The following PUS10 variants were observed in gnomAD, a reference collection of about 807,000 sequenced individuals.
PUS10 encodes the protein pseudouridine synthase 10.
In PUS10, 59 loss-of-function variants were observed where a neutral mutation model predicts 75.0. The observed-to-expected ratio is 0.79, with a 90% CI of 0.64 to 0.98. PUS10 has a LOEUF of 0.98. Ranked by LOEUF, PUS10 falls within the 50% of genes least tolerant of loss-of-function variation. PUS10 has a pLI of 0.00. For synonymous variants in PUS10, 219 were observed against 211.6 expected (o/e 1.03, Z -0.30); for missense variants, 650 against 614.4 (o/e 1.06, Z -0.61).
intron 11 of PUS10, among the ~76,000 whole-genome samples, chr2:60,959,124 T>C (rs1372935924): frequency 1.3e-5 from 2 of 152,184 alleles, no homozygotes; most frequent in Non-Finnish European, 2.9e-5. Flanking sequence ...ACAGCTGCCA[T>C]TCAGTCTTTG....
intron 4 of PUS10, among the ~76,000 whole-genome samples, chr2:60,978,848 T>C (rs550148612): frequency 1.3e-5 from 2 of 152,194 alleles, no homozygotes; most frequent in Middle Eastern, 3.2e-3. Flanking sequence ...GATGATAAAG[T>C]GTAGGCAACT....
At chr2:60,996,308 T>C (rs1048160546) in intron 4 of PUS10, among the ~76,000 whole-genome samples, 1 of 152,192 alleles carries the variant, frequency 6.6e-6, no homozygotes, top group Non-Finnish European at 1.5e-5. Flanking sequence ...GGGTTCTATA[T>C]AGACCTTGAC....
intron 15 of PUS10, among the ~76,000 whole-genome samples, chr2:60,951,589 G>A (rs1372735610): frequency 4.6e-5 from 7 of 152,158 alleles, no homozygotes; most frequent in Non-Finnish European, 8.8e-5. Flanking sequence ...GCTTTTATAA[G>A]AATCTAATGC....
At chr2:60,967,731 T>TCA in intron 5 of PUS10, 118 bp from the exon 6 acceptor site, 2 of 623,724 alleles carry the variant, frequency 3.2e-6, no homozygotes, top group Non-Finnish European at 5.5e-6. Flanking sequence ...TACCAGGCAC[T>TCA]ATTCTACACA....
intron 17 of PUS10, among the ~76,000 whole-genome samples, chr2:60,943,273 A>T (rs1674730439): frequency 6.6e-6 from 1 of 152,190 alleles, no homozygotes; most frequent in South Asian, 2.1e-4. Context: ...AGGATTAAGG[A>T]TCTTTGTGCT....
chr2:60,956,784 G>T (rs1221902639), intron 11 of PUS10, among the ~76,000 whole-genome samples: 2 of 151,858 alleles, frequency 1.3e-5, no homozygotes, highest in African/African-American at 4.8e-5. Context: ...GACCATCCTG[G>T]CTAACTTGGT....
At chr2:60,974,002 C>G (rs1343427334) in intron 4 of PUS10, among the ~76,000 whole-genome samples, 4 of 151,350 alleles carry the variant, frequency 2.6e-5, no homozygotes, top group Non-Finnish European at 4.4e-5. Flanking sequence ...CCTCTCTGCT[C>G]AGAGCTGAAG....
At chr2:60,943,774 G>GTA (rs1400133470) in intron 17 of PUS10, among the ~76,000 whole-genome samples, 1 of 151,596 alleles carries the variant, frequency 6.6e-6, no homozygotes, top group Non-Finnish European at 1.5e-5. Flanking sequence ...GTGTGTGTGT[G>GTA]TGTGTGTGTG....
intron 4 of PUS10, among the ~76,000 whole-genome samples, chr2:61,000,632 TTA>T: frequency 1.3e-5 from 2 of 152,318 alleles, no homozygotes; most frequent in Middle Eastern, 3.4e-3. Flanking sequence ...TCTCTTACCA[TTA>T]TGTTATAATC....
At chr2:61,001,590 A>G (rs1287649326) in intron 4 of PUS10, among the ~76,000 whole-genome samples, 1 of 152,110 alleles carries the variant, frequency 6.6e-6, no homozygotes, top group African/African-American at 2.4e-5. Flanking sequence ...ATCCTCTTTC[A>G]TTTGCATTAA....
chr2:61,011,080 T>G (rs1679565726), intron 2 of PUS10, among the ~76,000 whole-genome samples: 1 of 152,206 alleles, frequency 6.6e-6, no homozygotes. Flanking sequence ...TATAAGAAAC[T>G]GTGTGTGTAT....
At chr2:60,947,585 T>G (rs1675026520) in intron 16 of PUS10, among the ~76,000 whole-genome samples, 1 of 152,060 alleles carries the variant, frequency 6.6e-6, no homozygotes. Context: ...ATCACAGCAC[T>G]TCGGAAGGCC....
chr2:60,992,111 A>G (rs1291797415), intron 4 of PUS10, among the ~76,000 whole-genome samples: 1 of 151,718 alleles, frequency 6.6e-6, no homozygotes, highest in Non-Finnish European at 1.5e-5. Flanking sequence ...TCCTGGGTTC[A>G]AGCGATTCTC....
At position 61,018,137 on chromosome 2, in the gene PUS10, AC is replaced by A; in HGVS notation, c.-146del. The A allele has an allele frequency of 6.5e-7, 1 of 1,549,704 alleles. No homozygotes were observed. The highest frequency in any genetic ancestry group is 8.7e-7 in the Non-Finnish European group (1 of 1,146,450). On this transcript the variant is annotated 5_prime_UTR_variant, in exon 1 of 18. The change abolishes the stop of an existing upstream ORF in the 5' untranslated region. Coordinates refer to ENST00000316752, the MANE Select transcript of PUS10 (RefSeq NM_144709.4). ...AAGAAAGGGGGGCGGCTTCCTACCTACCGCTTCTGTTTTCACTTTGACAGAA... is the reference window on the plus strand; with the variant it reads ...AAGAAAGGGGGGCGGCTTCCTACCTACGCTTCTGTTTTCACTTTGACAGAA...
chr2:61,010,624 C>T, intron 2 of PUS10: 1 of 756,210 alleles, frequency 1.3e-6, no homozygotes, highest in South Asian at 2.0e-5. Flanking sequence ...CGCACCCAGC[C>T]AATTTCTGGT....
At chr2:60,984,445 T>C (rs1677596102) in intron 4 of PUS10, among the ~76,000 whole-genome samples, 2 of 152,270 alleles carry the variant, frequency 1.3e-5, no homozygotes, top group Middle Eastern at 3.4e-3. Context: ...GAAAAAGACA[T>C]GGGGTTGTAA....
chr2:60,997,016 T>C (rs1481805135), intron 4 of PUS10, among the ~76,000 whole-genome samples: 1 of 152,214 alleles, frequency 6.6e-6, no homozygotes, highest in Non-Finnish European at 1.5e-5. Context: ...GGGAGTCCTG[T>C]TCTAGCTGAT....
rs1679417746 is a variant in PUS10 at position 61,008,867 on chromosome 2, G to A, written c.275C>T (p.Ser92Phe). The A allele has an allele frequency of 2.5e-6, 4 of 1,613,786 alleles. No homozygotes were observed. The highest frequency in any genetic ancestry group is 3.4e-6 in the Non-Finnish European group (4 of 1,179,816). Residue 92 changes from serine (S) to phenylalanine (F), a missense_variant, in exon 3 of 18, where the codon TCT (serine) becomes TTT (phenylalanine). Ser to Phe is a radical substitution (Grantham distance 155, BLOSUM62 -2). Transcript: ENST00000316752. ...AGCAGTGCTTCCAACATGACTAACA[G>A]AGATCCTTCCCTCTCCATTTTGACT... Reference protein sequence around the residue: ...NLSQNGEGRISVSHVGSTASK... With the variant: ...NLSQNGEGRIFVSHVGSTASK...
intron 4 of PUS10, among the ~76,000 whole-genome samples, chr2:60,996,669 G>T (rs140115603): frequency 1.1e-3 from 174 of 152,020 alleles, no homozygotes; most frequent in African/African-American, 4.1e-3. Context: ...TAAACGGGAC[G>T]CATGGGCAAA....
Sources: gnomAD v4.1 joint callset for allele counts (sites outside exome capture counted in the v4.1 genomes callset) on GRCh38, gnomAD v4.1.1 for gene constraint, MANE v1.5 for transcripts, NCBI Gene and HGNC (gene_info 2026-07-23, HGNC 2026-07-21) for gene names.